SLC6A19: variants seen among roughly 807,000 people sequenced by gnomAD.
SLC6A19 encodes solute carrier family 6 member 19, also known as sodium-dependent neutral amino acid transporter B(0)AT1.
In SLC6A19, 67 loss-of-function variants were observed where a neutral mutation model predicts 68.3. The ratio of observed to expected loss-of-function variants is 0.98; its 90% CI spans 0.81 to 1.20. The LOEUF is 1.20. Among genes scored for constraint, SLC6A19 ranks in the 50% most tolerant of loss-of-function variants. The probability of loss-of-function intolerance (pLI) is 0.00; values close to 1 mark genes in which losing one functional copy is unlikely to be tolerated. For synonymous variants in SLC6A19, 392 were observed against 374.9 expected, an observed-to-expected ratio of 1.05 and a Z score of -0.53; for missense variants, 813 against 851.6, an observed-to-expected ratio of 0.95 and a Z score of 0.56.
chr5:1,204,525 T>G (rs760520441), intron 1 of SLC6A19, among the ~76,000 whole-genome samples: 3 of 152,138 alleles, frequency 2.0e-5, no homozygotes, highest in Non-Finnish European at 4.4e-5. Flanking sequence ...GAGCACCACA[T>G]CCCCACGGCA....
chr5:1,217,638 C>A (rs1191716905), intron 8 of SLC6A19, among the ~76,000 whole-genome samples: 1 of 152,230 alleles, frequency 6.6e-6, no homozygotes, highest in Non-Finnish European at 1.5e-5. Context: ...CGGCCTCTCC[C>A]GACCCTGTGC....
Position 1,219,393 on chromosome 5 carries a change from G to A in SLC6A19, c.1379-112G>A, listed in dbSNP as rs548142871. 113 of 1,485,064 alleles carry A rather than the reference G, an allele frequency of 7.6e-5. No homozygotes were observed. The South Asian group carries it at 1.2e-3, about 15-fold the overall frequency. 92.0% of individuals were successfully genotyped at this position (1,485,064 alleles called of 1,614,324 possible). On this transcript the variant is annotated intron_variant, in intron 9 of 11. Coordinates refer to ENST00000304460, the MANE Select transcript of SLC6A19 (RefSeq NM_001003841.3). ...CAGTGTGTGCAGCCCCCGGGTGTGT[G>A]AACAGCTCTGTCCCTGGCCATATGT...
intron 11 of SLC6A19, 40 bp from the exon 12 acceptor site, chr5:1,221,661 C>G: frequency 1.2e-6 from 2 of 1,611,290 alleles, no homozygotes; most frequent in Non-Finnish European, 1.7e-6. Flanking sequence ...ACCCCACTGG[C>G]TCCCGGGATG....
rs925121057 is a variant in SLC6A19 at position 1,214,510 on chromosome 5, G to T, written c.887+445G>T. ...CCACTGCGCTTCCCAATGCCCCTGG[G>T]AAGGATGCATACCCTGGAGTCCCCA... On this transcript the variant is annotated intron_variant, in intron 6 of 11. Transcript: ENST00000304460. The surrounding 1 kb of genome is among the most constrained non-coding windows in gnomAD (Gnocchi z 7.4). Among the ~76,000 whole-genome samples, 1 of 152,202 alleles carries T rather than the reference G, an allele frequency of 6.6e-6. No homozygotes were observed. Among genetic ancestry groups the T allele is most frequent in the African/African-American group, 2.4e-5 (1 of 41,450 alleles).
At position 1,216,659 on chromosome 5, in the gene SLC6A19, C is replaced by A; in HGVS notation, c.989C>A (p.Thr330Lys). The change falls in exon 7 of 12, where the codon ACA becomes AAA. Residue 330 changes from threonine to lysine, a missense_variant. Transcript: ENST00000304460. The stretch of plus-strand genomic sequence containing the variant: ...TACTCCGTCATTGGGTTCCGCGCCA[C>A]ACAGCGCTACGACGACTGCTTCAGC... ...VVYSVIGFRA[T>K]QRYDDCFSTN... is the part of the protein sequence containing the mutation. The A allele has an allele frequency of 6.2e-7, 1 of 1,614,022 alleles. No individual in the cohort carries two copies. Among genetic ancestry groups the A allele is most frequent in the Non-Finnish European group, 8.5e-7 (1 of 1,180,040 alleles).
chr5:1,221,980 G>T lies in SLC6A19; in HGVS notation c.*76G>T. The stretch of plus-strand genomic sequence containing the variant: ...CAGCAAGACCTGTGGGGTGGGGGCC[G>T]GGCTGCACCTGCATGTGTGTAAGCG... On this transcript the variant is annotated 3_prime_UTR_variant, in exon 12 of 12. Coordinates refer to ENST00000304460, the MANE Select transcript of SLC6A19 (RefSeq NM_001003841.3). The T allele has an allele frequency of 6.6e-7, 1 of 1,515,534 alleles. No homozygotes were observed. The highest frequency in any genetic ancestry group is 1.4e-5 in the African/African-American group (1 of 72,772). The allele number at this position is 1,515,534 out of a possible 1,614,324, so 93.9% of individuals were successfully genotyped here.
chr5:1,212,178 G>T lies in SLC6A19; in HGVS notation c.482-125G>T. ...CATGTGTGCCTGTGTTCATGTGCAC[G>T]TGTGGGCGTGTCACTGGTGTCAAGG... is the stretch of plus-strand genomic sequence containing the variant. On this transcript the variant is annotated intron_variant, in intron 3 of 11. Transcript: ENST00000304460. This position sits in a 1 kb window ranked among gnomAD's most constrained non-coding sequence, Gnocchi z 5.1. The T allele has an allele frequency of 8.9e-7, 1 of 1,125,598 alleles. No individual in the cohort carries two copies. The highest frequency in any genetic ancestry group is 1.3e-6 in the Non-Finnish European group (1 of 760,468). 69.7% of individuals were successfully genotyped at this position (1,125,598 alleles called of 1,614,324 possible).
In SLC6A19 at chr5:1,212,323, A is replaced by G. The variant is rs140812221; in HGVS notation, c.502A>G (p.Arg168Gly). ...CCCAGGGTATGTGGACGAGTGCGCC[A>G]GGAGCTCCCCTGTGGACTACTTCTG... ...NQTGYVDECA[R>G]SSPVDYFWYR... Residue 168 changes from arginine (R) to glycine (G), a missense_variant, in exon 4 of 12, where the codon AGG (arginine) becomes GGG (glycine). Physicochemically the swap from Arg to Gly is moderately radical, Grantham distance 125 (BLOSUM62 -2). Coordinates refer to ENST00000304460, the MANE Select transcript of SLC6A19 (RefSeq NM_001003841.3). The surrounding 1 kb of genome is among the most constrained non-coding windows in gnomAD (Gnocchi z 5.1). 10 of 1,613,594 alleles carry G rather than the reference A, an allele frequency of 6.2e-6. No homozygotes were observed. The African/African-American group carries it at 1.1e-4, about 17-fold the overall frequency.
intron 2 of SLC6A19, among the ~76,000 whole-genome samples, chr5:1,210,209 G>A (rs1745983487): frequency 1.5e-5 from 1 of 66,016 alleles, no homozygotes; most frequent in African/African-American, 7.1e-5. Context: ...GAGCCGGGAA[G>A]GCGTGTGCAG....
intron 1 of SLC6A19, among the ~76,000 whole-genome samples, chr5:1,208,220 G>C (rs562695887): frequency 6.6e-6 from 1 of 152,060 alleles, no homozygotes; most frequent in African/African-American, 2.4e-5. Context: ...GGCCACACAC[G>C]ATTGCCAGGA....
At chr5:1,210,378 A>G (rs895891237) in intron 2 of SLC6A19, 66 bp from the exon 3 acceptor site, 19 of 1,602,648 alleles carry the variant, frequency 1.2e-5, no homozygotes, top group African/African-American at 1.3e-5. Flanking sequence ...TCCTGCTCAG[A>G]GTGGGGATGG....
intron 5 of SLC6A19, 40 bp downstream of exon 5, chr5:1,213,613 A>G (rs1427254144): frequency 6.4e-7 from 1 of 1,563,250 alleles, no homozygotes; most frequent in East Asian, 2.3e-5. Context: ...ACCCCGGGAG[A>G]GGCCTGGCTG....
At chr5:1,211,694 C>A (rs1579512085) in intron 3 of SLC6A19, among the ~76,000 whole-genome samples, 1 of 144,608 alleles carries the variant, frequency 6.9e-6, no homozygotes, top group Non-Finnish European at 1.5e-5. Context: ...TGTGCATGTG[C>A]ATGTGTGGGG....
At chr5:1,208,928 C>T in intron 2 of SLC6A19, 42 bp downstream of exon 2, 1 of 1,586,282 alleles carries the variant, frequency 6.3e-7, no homozygotes. Context: ...CAGGGGTCGC[C>T]TCTGCTGGGA....
At chr5:1,203,812 C>T (rs1004006830) in intron 1 of SLC6A19, among the ~76,000 whole-genome samples, 2 of 152,244 alleles carry the variant, frequency 1.3e-5, no homozygotes, top group Non-Finnish European at 2.9e-5. Flanking sequence ...GGCAGGGCCC[C>T]GAGAATGGGA....
chr5:1,218,098 C>G (rs1449041908), intron 8 of SLC6A19, among the ~76,000 whole-genome samples: 2 of 152,112 alleles, frequency 1.3e-5, no homozygotes, highest in Non-Finnish European at 2.9e-5. Context: ...CTTGTATGCA[C>G]GTGCTGCTGC....
In SLC6A19 at chr5:1,223,005, C is replaced by T. The variant is rs1746439241; in HGVS notation, c.*1101C>T. On this transcript the variant is annotated 3_prime_UTR_variant, in exon 12 of 12. Transcript: ENST00000304460. ...ACCCACCCCCACCCATCCCCTTCCC[C>T]TTGGTGTTGACCTTTGACCTGGGGG... 6.6e-6 allele frequency: 1 copy of T among 152,260 alleles called. No individual in the cohort carries two copies. The highest frequency in any genetic ancestry group is 6.5e-5 in the Admixed American group (1 of 15,282). The allele number at this position is 152,260 out of a possible 1,614,324, so 9.4% of individuals were successfully genotyped here. A position where few individuals can be genotyped will look rare whatever the true frequency, so the allele number is the denominator to read the frequency against.
chr5:1,202,493 G>A (rs1193738174), intron 1 of SLC6A19, among the ~76,000 whole-genome samples: 1 of 152,230 alleles, frequency 6.6e-6, no homozygotes, highest in African/African-American at 2.4e-5. Flanking sequence ...TTCCTGCCCA[G>A]TGGTCCTGAG....
At position 1,214,180 on chromosome 5, in the gene SLC6A19, C is replaced by A. The variant is rs1746137442; in HGVS notation, c.887+115C>A. The A allele has an allele frequency of 1.3e-6, 2 of 1,538,528 alleles. No homozygotes were observed. Among genetic ancestry groups the A allele is most frequent in the Middle Eastern group, 1.7e-4 (1 of 5,890 alleles). On this transcript the variant is annotated intron_variant, in intron 6 of 11. Transcript: ENST00000304460. This position sits in a 1 kb window ranked among gnomAD's most constrained non-coding sequence, Gnocchi z 7.4. ...TGGCTGTGTGGCCGGGGCCTTGCTG[C>A]CCCGATGGGCCCGTTCCCTCCTGCT...
Sources: allele counts gnomAD v4.1 joint callset (sites outside exome capture counted in the v4.1 genomes callset), GRCh38; gene constraint gnomAD v4.1.1; non-coding constraint Gnocchi (gnomAD v3.1); transcripts MANE v1.5; gene names NCBI Gene and HGNC (gene_info 2026-07-23, HGNC 2026-07-21).